The following SLC9D1 variants were observed in gnomAD, a reference collection of about 807,000 sequenced individuals.
SLC9D1 encodes putative LAG1-interacting protein.
the SLC9D1 span, among the ~76,000 whole-genome samples, chr13:113,508,259 C>G: frequency 6.6e-6 from 1 of 152,256 alleles, no homozygotes; most frequent in African/African-American, 2.4e-5. Flanking sequence ...GCTACCCACC[C>G]AGGGCGCACA....
the SLC9D1 span, among the ~76,000 whole-genome samples, chr13:113,521,373 G>A: frequency 6.7e-6 from 1 of 150,104 alleles, no homozygotes; most frequent in Non-Finnish European, 1.5e-5. Context: ...TGTGTGGTGT[G>A]TGTGTGTGTA....
At chr13:113,496,129 G>T in the SLC9D1 span, 1 of 817,204 alleles carries the variant, frequency 1.2e-6, no homozygotes. Flanking sequence ...AGCCCACACG[G>T]AGCTGGGGAG....
chr13:113,524,480 G>A, the SLC9D1 span, among the ~76,000 whole-genome samples: 9 of 152,052 alleles, frequency 5.9e-5, no homozygotes, highest in South Asian at 2.1e-4. Flanking sequence ...GATTACAGGC[G>A]TGTGCCACCA....
the SLC9D1 span, chr13:113,539,503 C>T: frequency 6.2e-7 from 1 of 1,611,718 alleles, no homozygotes; most frequent in Non-Finnish European, 8.5e-7. The surrounding 1 kb of genome is among the most constrained non-coding windows in gnomAD (Gnocchi z 4.8). Context: ...TCTTCGCCTC[C>T]ATAGGTAATC....
the SLC9D1 span, chr13:113,510,448 G>A: frequency 6.2e-7 from 1 of 1,600,106 alleles, no homozygotes; most frequent in African/African-American, 1.3e-5. Flanking sequence ...TGTTCTGAGT[G>A]CGTGTCTAAT....
At chr13:113,521,563 T>G in the SLC9D1 span, among the ~76,000 whole-genome samples, 1 of 152,240 alleles carries the variant, frequency 6.6e-6, no homozygotes, top group African/African-American at 2.4e-5. Flanking sequence ...TGTGTATGCG[T>G]GTAGGAGAGC....
chr13:113,537,311 C>T, the SLC9D1 span, among the ~76,000 whole-genome samples: 2 of 152,234 alleles, frequency 1.3e-5, no homozygotes, highest in African/African-American at 4.8e-5. Context: ...AAAGGAATCC[C>T]CATGGCGCTC....
the SLC9D1 span, chr13:113,511,849 C>G: frequency 2.6e-5 from 4 of 152,312 alleles, no homozygotes; most frequent in East Asian, 3.9e-4. Flanking sequence ...GTGAACTGCC[C>G]TTATGGACAG....
chr13:113,511,450 T>A, the SLC9D1 span, among the ~76,000 whole-genome samples: 1 of 152,160 alleles, frequency 6.6e-6, no homozygotes, highest in Admixed American at 6.5e-5. Flanking sequence ...GACCCACATG[T>A]GCCCTCACTG....
At chr13:113,506,280 TGGG>T in the SLC9D1 span, among the ~76,000 whole-genome samples, 1 of 40,212 alleles carries the variant, frequency 2.5e-5, no homozygotes, top group Non-Finnish European at 4.4e-5. Context: ...TAAGGGGGAG[TGGG>T]CCGCGTGCTG....
At chr13:113,545,142 G>A in the SLC9D1 span, among the ~76,000 whole-genome samples, 1 of 152,196 alleles carries the variant, frequency 6.6e-6, no homozygotes, top group Non-Finnish European at 1.5e-5. Flanking sequence ...CGCCAGCCTC[G>A]CTCACCTTCA....
chr13:113,497,934 G>C, the SLC9D1 span, among the ~76,000 whole-genome samples: 1 of 152,314 alleles, frequency 6.6e-6, no homozygotes, highest in East Asian at 1.9e-4. Context: ...GCTTTCCCTT[G>C]TAACTTGAAT....
At chr13:113,499,123 T>A in the SLC9D1 span, among the ~76,000 whole-genome samples, 1 of 152,218 alleles carries the variant, frequency 6.6e-6, no homozygotes, top group Non-Finnish European at 1.5e-5. Flanking sequence ...AACTTCCAGA[T>A]GTTGCCATGG....
At chr13:113,520,733 G>C in the SLC9D1 span, 1 of 1,600,480 alleles carries the variant, frequency 6.2e-7, no homozygotes, top group South Asian at 1.1e-5. Flanking sequence ...GCATCTTCTA[G>C]GTAAACGCTT....
chr13:113,536,874 C>T, the SLC9D1 span, among the ~76,000 whole-genome samples: 1 of 152,208 alleles, frequency 6.6e-6, no homozygotes, highest in Non-Finnish European at 1.5e-5. Context: ...GGAGCTCAGC[C>T]GTAGCCATGA....
the SLC9D1 span, among the ~76,000 whole-genome samples, chr13:113,491,569 T>C: frequency 6.6e-6 from 1 of 151,882 alleles, no homozygotes; most frequent in African/African-American, 2.4e-5. Flanking sequence ...TCCTCGGGGC[T>C]CCCCTTTTCT....
At chr13:113,494,385 T>A in the SLC9D1 span, among the ~76,000 whole-genome samples, 1 of 152,154 alleles carries the variant, frequency 6.6e-6, no homozygotes, top group African/African-American at 2.4e-5. Flanking sequence ...TGACCTTTGC[T>A]GGCCGCTGTC....
the SLC9D1 span, among the ~76,000 whole-genome samples, chr13:113,509,026 C>T: frequency 0.1 from 9,083 of 88,690 alleles, 60 homozygotes; most frequent in Middle Eastern, 0.32. Context: ...GCGGGCTTGG[C>T]GGGTGGGTCC....
At chr13:113,528,718 T>G in the SLC9D1 span, 1 of 146,862 alleles carries the variant, frequency 6.8e-6, no homozygotes, top group Non-Finnish European at 1.5e-5. Flanking sequence ...AAGAGGGTCC[T>G]TATGATAAGA....
Sources: gnomAD v4.1 joint callset for allele counts (sites outside exome capture counted in the v4.1 genomes callset) on GRCh38, gnomAD v4.1.1 for gene constraint, Gnocchi (gnomAD v3.1) non-coding constraint, MANE v1.5 for transcripts, NCBI Gene and HGNC (gene_info 2026-07-23, HGNC 2026-07-21) for gene names.